Variants in KIAA1549 observed in about 807,000 individuals in gnomAD.
The protein encoded by KIAA1549 is KIAA1549.
KIAA1549 carries 70 observed loss-of-function variants against 156.4 expected under a neutral mutation model. The ratio of observed to expected loss-of-function variants is 0.45; its 90% CI spans 0.37 to 0.55. KIAA1549 has a LOEUF of 0.55. Ranked by LOEUF, KIAA1549 falls within the 20% of genes least tolerant of loss-of-function variation. KIAA1549 has a pLI of 0.00. For synonymous variants in KIAA1549, 1,103 were observed against 1,066.4 expected, an observed-to-expected ratio of 1.03 and a Z score of -0.67; for missense variants, 2,428 against 2,540.9, an observed-to-expected ratio of 0.96 and a Z score of 0.96.
intron 1 of KIAA1549, among the ~76,000 whole-genome samples, chr7:138,973,642 C>T (rs1458019280): frequency 6.6e-6 from 1 of 152,128 alleles, no homozygotes; most frequent in Non-Finnish European, 1.5e-5. Context: ...TCAAGTACAA[C>T]ATTTAACAAG....
intron 12 of KIAA1549, among the ~76,000 whole-genome samples, chr7:138,871,925 A>G (rs1810949133): frequency 6.6e-6 from 1 of 152,254 alleles, no homozygotes; most frequent in African/African-American, 2.4e-5. Context: ...GAAGTTGAAG[A>G]CACATGAGAA....
chr7:138,867,830 G>T, intron 15 of KIAA1549, 145 bp downstream of exon 15: 1 of 850,742 alleles, frequency 1.2e-6, no homozygotes. Flanking sequence ...ATGACCTAGA[G>T]GGCCCTGGTG....
chr7:138,886,968 G>C (rs566443882), intron 10 of KIAA1549, among the ~76,000 whole-genome samples: 7 of 151,890 alleles, frequency 4.6e-5, no homozygotes, highest in African/African-American at 1.7e-4. Flanking sequence ...ATGGTATGAT[G>C]TCGGCTTACT....
chr7:138,950,796 G>C (rs929145526), intron 1 of KIAA1549, among the ~76,000 whole-genome samples: 2 of 152,048 alleles, frequency 1.3e-5, no homozygotes, highest in African/African-American at 2.4e-5. Flanking sequence ...CTCCCCGGGG[G>C]CTGAAACCTT....
chr7:138,977,215 T>A (rs78591405), intron 1 of KIAA1549, among the ~76,000 whole-genome samples: 3 of 152,150 alleles, frequency 2.0e-5, no homozygotes, highest in South Asian at 2.1e-4. Flanking sequence ...AAACGCAACA[T>A]ATAGAAGGAA....
intron 10 of KIAA1549, 70 bp from the exon 11 acceptor site, chr7:138,881,654 C>T: frequency 7.3e-7 from 1 of 1,374,758 alleles, no homozygotes; most frequent in Non-Finnish European, 1.0e-6. Context: ...AGCACAACTT[C>T]TGACCCAAGA....
chr7:138,932,888 A>T (rs922953802), intron 1 of KIAA1549, among the ~76,000 whole-genome samples: 23 of 152,236 alleles, frequency 1.5e-4, no homozygotes, highest in African/African-American at 5.5e-4. Flanking sequence ...TCACATGGTG[A>T]TATCAAGTAT....
In KIAA1549 at chr7:138,840,180, G is replaced by T. The variant is rs752616556; in HGVS notation, c.5551C>A (p.Pro1851Thr). The change falls in exon 19 of 20, where the codon CCA (proline) becomes ACA (threonine). Residue 1851 changes from proline (P) to threonine (T), a missense_variant. Physicochemically the swap from Pro to Thr is conservative, Grantham distance 38. Coordinates refer to ENST00000422774, the MANE Select transcript of KIAA1549 (RefSeq NM_001164665.2). Reference protein sequence around the residue: ...PPSRGSQYGGPGWPSYGEDEA... With the variant: ...PPSRGSQYGGTGWPSYGEDEA... ...TCCTCCCCGTACGAAGGCCAGCCTG[G>T]CCCCCCATACTGGCTGCCTCTGCTT... 5.1e-6 allele frequency: 8 copies of T among 1,561,366 alleles called. No homozygotes were observed. The highest frequency in any genetic ancestry group is 6.9e-6 in the Non-Finnish European group (8 of 1,152,478).
chr7:138,909,377 T>C (rs886408016), intron 4 of KIAA1549, among the ~76,000 whole-genome samples: 1 of 152,156 alleles, frequency 6.6e-6, no homozygotes, highest in Non-Finnish European at 1.5e-5. Context: ...AATTTGAGTA[T>C]CAAAAGACAC....
rs543122883 is a variant in KIAA1549 at position 138,871,304 on chromosome 7, G to A, written c.4404C>T (p.His1468=). 1.8e-5 allele frequency: 29 copies of A among 1,605,946 alleles called. No homozygotes were observed. The African/African-American group carries it at 1.9e-4, about 10-fold the overall frequency. Residue 1468 remains histidine (H), a synonymous_variant, in exon 13 of 20, where the codon CAC becomes CAT. Transcript: ENST00000422774. The stretch of plus-strand genomic sequence containing the variant: ...CCGGGGGGCGGGAGATCCTGTCCAC[G>A]TGCTCGAAGATGGAGGCTGATGAGT... ...EQHSSASIFE[H]VDRISRPPEA... is the part of the protein sequence containing the mutation.
chr7:138,873,906 G>T (rs1382135915), intron 12 of KIAA1549, among the ~76,000 whole-genome samples: 2 of 150,238 alleles, frequency 1.3e-5, no homozygotes, highest in African/African-American at 2.4e-5. Flanking sequence ...GAAAAGAGGG[G>T]CTTTAAATTT....
chr7:138,868,079 C>T lies in KIAA1549; in HGVS notation c.4825G>A (p.Gly1609Ser). 4.3e-6 allele frequency: 7 copies of T among 1,613,830 alleles called. No homozygotes were observed. Among genetic ancestry groups the T allele is most frequent in the African/African-American group, 1.3e-5 (1 of 75,028 alleles). ...TCCTTCTCAGCGTCGGCAGGACAGC[C>T]GTTGACCTGGTGTTTCCGGCGAGGC... Reference protein sequence around the residue: ...PKPRRKHQVNGCPADAEKDRL... With the variant: ...PKPRRKHQVNSCPADAEKDRL... Residue 1609 changes from glycine to serine, a missense_variant, in exon 15 of 20, where the codon GGC becomes AGC. Coordinates refer to ENST00000422774, the MANE Select transcript of KIAA1549 (RefSeq NM_001164665.2).
At chr7:138,911,390 A>T (rs556289399) in intron 3 of KIAA1549, 67 bp from the exon 4 acceptor site, 2 of 1,245,902 alleles carry the variant, frequency 1.6e-6, no homozygotes, top group African/African-American at 3.2e-5. Context: ...GAAAAATAAA[A>T]AATTATAAAC....
chr7:138,894,626 A>G, intron 9 of KIAA1549, 100 bp from the exon 10 acceptor site: 1 of 1,090,430 alleles, frequency 9.2e-7, no homozygotes, highest in Non-Finnish European at 1.3e-6. Flanking sequence ...CTGACATTCC[A>G]GCTCAAGATA....
rs998692753 is a variant in KIAA1549 at position 138,961,895 on chromosome 7, T to TA, written c.187+19187dup. On this transcript the variant is annotated intron_variant, in intron 1 of 19. Coordinates refer to ENST00000422774, the MANE Select transcript of KIAA1549 (RefSeq NM_001164665.2). Reference sequence around the variant, plus strand: ...AGGAAAAAGAAAAGAAAGGAAGAAATAAAAAAAGAAAAAAGCTATCAGACA... The same window carrying TA: ...AGGAAAAAGAAAAGAAAGGAAGAAATAAAAAAAAGAAAAAAGCTATCAGACA... Among the ~76,000 whole-genome samples, 3 of 131,018 alleles carry TA rather than the reference T, an allele frequency of 2.3e-5. No homozygotes were observed. In the South Asian group the frequency reaches 7.7e-4, roughly 34 times the overall value. 86.0% of individuals were successfully genotyped at this position (131,018 alleles called of 152,430 possible).
intron 1 of KIAA1549, among the ~76,000 whole-genome samples, chr7:138,941,076 TA>T (rs572420621): frequency 2.9e-4 from 44 of 151,834 alleles, no homozygotes; most frequent in African/African-American, 7.5e-4. Context: ...AAAATTTTAT[TA>T]AAAAAAATTA....
At chr7:138,845,028 G>A (rs779747260) in intron 17 of KIAA1549, among the ~76,000 whole-genome samples, 3 of 151,892 alleles carry the variant, frequency 2.0e-5, no homozygotes, top group East Asian at 1.9e-4. Flanking sequence ...CTAAAGCAGC[G>A]GATCGCAAAC....
At chr7:138,880,801 C>A (rs561711952) in intron 11 of KIAA1549, among the ~76,000 whole-genome samples, 1 of 152,182 alleles carries the variant, frequency 6.6e-6, no homozygotes, top group African/African-American at 2.4e-5. Context: ...ATGTGCTATA[C>A]TTTGAGAGGG....
chr7:138,925,733 G>A (rs928803371), intron 1 of KIAA1549, among the ~76,000 whole-genome samples: 4 of 150,548 alleles, frequency 2.7e-5, no homozygotes, highest in African/African-American at 9.8e-5. Context: ...GAGAGGCTGA[G>A]GTGGGAGGAT....
Sources: allele counts gnomAD v4.1 joint callset (sites outside exome capture counted in the v4.1 genomes callset), GRCh38; gene constraint gnomAD v4.1.1; transcripts MANE v1.5; gene names NCBI Gene and HGNC (gene_info 2026-07-23, HGNC 2026-07-21).